The following DCPH1 variants were observed in gnomAD, a reference collection of about 807,000 sequenced individuals.
DCPH1 encodes damage control phosphatase 1, also known as damage-control phosphatase 1.
the DCPH1 span, chr6:151,452,793 G>C: frequency 1.8e-6 from 1 of 550,840 alleles, no homozygotes; most frequent in East Asian, 3.3e-5. Flanking sequence ...TGCCCGCGGC[G>C]GCTGCTCGTA....
chr6:151,453,323 T>C, the DCPH1 span, among the ~76,000 whole-genome samples: 3 of 152,206 alleles, frequency 2.0e-5, no homozygotes, highest in Admixed American at 6.5e-5. Context: ...GCAGGAAATG[T>C]AGTAGTTAGG....
At chr6:151,455,750 A>G in the DCPH1 span, among the ~76,000 whole-genome samples, 1 of 152,178 alleles carries the variant, frequency 6.6e-6, no homozygotes, top group African/African-American at 2.4e-5. Context: ...TCCTCAGCAC[A>G]GACCCTTTAC....
At chr6:151,452,705 G>T in the DCPH1 span, 3 of 1,104,508 alleles carry the variant, frequency 2.7e-6, no homozygotes, top group South Asian at 4.5e-5. Context: ...CCGCCGCCGG[G>T]CGCGGCTTTC....
the DCPH1 span, among the ~76,000 whole-genome samples, chr6:151,456,446 G>A: frequency 6.6e-6 from 1 of 151,920 alleles, no homozygotes; most frequent in Non-Finnish European, 1.5e-5. Context: ...CATAACACAG[G>A]GATTACCTGT....
chr6:151,463,046 G>C, the DCPH1 span, among the ~76,000 whole-genome samples: 1 of 152,144 alleles, frequency 6.6e-6, no homozygotes, highest in African/African-American at 2.4e-5. Flanking sequence ...ACTTTATTCA[G>C]CGGACACCGA....
the DCPH1 span, chr6:151,454,579 A>G: frequency 2.6e-6 from 4 of 1,567,478 alleles, no homozygotes; most frequent in South Asian, 1.1e-5. Context: ...TAAAGACAGA[A>G]TACCACAGAT....
chr6:151,469,976 TTA>T, the DCPH1 span: 5 of 152,204 alleles, frequency 3.3e-5, no homozygotes, highest in Admixed American at 1.3e-4. Flanking sequence ...CTTACACATT[TTA>T]TTGGTCATTG....
At chr6:151,457,459 A>T in the DCPH1 span, among the ~76,000 whole-genome samples, 6 of 152,216 alleles carry the variant, frequency 3.9e-5, no homozygotes, top group African/African-American at 1.4e-4. Flanking sequence ...TTGAAGTTTA[A>T]GACTTTAGGG....
At chr6:151,452,492 C>T in the DCPH1 span, 7 of 1,601,312 alleles carry the variant, frequency 4.4e-6, no homozygotes, top group African/African-American at 1.4e-5. Flanking sequence ...GGTACCGCCT[C>T]TGTTTCTGCG....
the DCPH1 span, chr6:151,464,541 C>T: frequency 6.2e-7 from 1 of 1,611,440 alleles, no homozygotes; most frequent in Non-Finnish European, 8.5e-7. Context: ...TTTATGTACT[C>T]ACCTGCAACA....
the DCPH1 span, chr6:151,452,881 TG>T: frequency 6.2e-6 from 2 of 322,934 alleles, no homozygotes; most frequent in Non-Finnish European, 5.6e-6. Flanking sequence ...AGACGCGCTT[TG>T]GGGGCGTTAA....
At chr6:151,452,557 C>T in the DCPH1 span, 2 of 1,611,848 alleles carry the variant, frequency 1.2e-6, no homozygotes, top group Non-Finnish European at 1.7e-6. Flanking sequence ...TGGCTGTCGT[C>T]CCGGCGTCTC....
the DCPH1 span, chr6:151,458,373 T>G: frequency 6.2e-7 from 1 of 1,613,610 alleles, no homozygotes; most frequent in South Asian, 1.1e-5. Context: ...CCTTTCTAAA[T>G]TACGGAATGA....
the DCPH1 span, among the ~76,000 whole-genome samples, chr6:151,467,032 C>T: frequency 2.6e-5 from 4 of 152,114 alleles, no homozygotes; most frequent in African/African-American, 7.2e-5. Context: ...GGGCAGATCA[C>T]CTGAGGCCAG....
At chr6:151,452,704 G>C in the DCPH1 span, 1 of 1,106,346 alleles carries the variant, frequency 9.0e-7, no homozygotes, top group East Asian at 2.7e-5. Context: ...CCCGCCGCCG[G>C]GCGCGGCTTT....
the DCPH1 span, chr6:151,468,646 T>C: frequency 1.2e-6 from 2 of 1,613,846 alleles, no homozygotes; most frequent in Admixed American, 3.3e-5. Flanking sequence ...AATTCCATGG[T>C]TTGTTTCTGA....
chr6:151,464,463 G>A, the DCPH1 span: 18 of 1,601,750 alleles, frequency 1.1e-5, no homozygotes, highest in East Asian at 6.7e-5. Context: ...TCCACCAATC[G>A]ATTACTTTGA....
At chr6:151,458,192 AAATGT>A in the DCPH1 span, 1 of 1,159,880 alleles carries the variant, frequency 8.6e-7, no homozygotes, top group Non-Finnish European at 1.2e-6. Flanking sequence ...TAAGAGTTCT[AAATGT>A]AATGTTTAAA....
chr6:151,454,430 A>G, the DCPH1 span: 8 of 636,226 alleles, frequency 1.3e-5, no homozygotes, highest in Middle Eastern at 3.0e-4. Context: ...ATACTTGTCT[A>G]TCTTTTAATA....
Sources: allele counts gnomAD v4.1 joint callset (sites outside exome capture counted in the v4.1 genomes callset), GRCh38; gene constraint gnomAD v4.1.1; transcripts MANE v1.5; gene names NCBI Gene and HGNC (gene_info 2026-07-23, HGNC 2026-07-21).